The following PCDH11X variants were observed in gnomAD, a reference collection of about 807,000 sequenced individuals.
PCDH11X encodes protocadherin 11 X-linked.
In PCDH11X, 18 loss-of-function variants were observed where a neutral mutation model predicts 53.3. The observed-to-expected ratio is 0.34, with a 90% CI of 0.23 to 0.50. The LOEUF (loss-of-function observed/expected upper bound fraction) is 0.50. Among genes scored for constraint, PCDH11X ranks in the 20% least tolerant of loss-of-function variants. The probability of loss-of-function intolerance (pLI) is 0.98; values close to 1 mark genes in which losing one functional copy is unlikely to be tolerated. For synonymous variants in PCDH11X, 279 were observed against 393.3 expected, an observed-to-expected ratio of 0.71 and a Z score of 3.44; for missense variants, 570 against 1,032.4, an observed-to-expected ratio of 0.55 and a Z score of 6.14.
intron 10 of PCDH11X, among the ~76,000 whole-genome samples, chrX:92,567,012 T>C (rs1318654022): frequency 9.4e-6 from 1 of 106,362 alleles, no homozygotes; most frequent in Non-Finnish European, 1.9e-5. Context: ...TACCATGCTG[T>C]TTTGGTTACC....
chrX:92,563,887 C>T (rs1169074271), intron 10 of PCDH11X, among the ~76,000 whole-genome samples: 1 of 110,339 alleles, frequency 9.1e-6, no homozygotes. Context: ...ATGATGAAAA[C>T]GAGGAAACTA....
At chrX:91,843,024 A>G (rs1409243207) in intron 5 of PCDH11X, among the ~76,000 whole-genome samples, 1 of 108,347 alleles carries the variant, frequency 9.2e-6, no homozygotes, top group African/African-American at 3.4e-5. Flanking sequence ...CTGTTCTATT[A>G]AATTTTGTCT....
At chrX:92,116,470 C>T (rs923956609) in intron 6 of PCDH11X, among the ~76,000 whole-genome samples, 4 of 112,482 alleles carry the variant, frequency 3.6e-5, no homozygotes, top group African/African-American at 1.3e-4. Flanking sequence ...AATACATTAG[C>T]ATTAATGCAG....
chrX:92,620,380 A>T lies in PCDH11X; in HGVS notation c.*1440A>T, dbSNP rs1489613736. ...GTGCACATTTTATAAATGTACAGAA[A>T]CATCACCAACTTAATTTTCTTCCAT... On this transcript the variant is annotated 3_prime_UTR_variant, in exon 11 of 11. Transcript: ENST00000682573. 9.2e-6 allele frequency: 1 copy of T among 108,729 alleles called. No individual in the cohort carries two copies. The highest frequency in any genetic ancestry group is 3.4e-5 in the African/African-American group (1 of 29,837). 9.0% of individuals were successfully genotyped at this position (108,729 alleles called of 1,213,427 possible). A position where few individuals can be genotyped will look rare whatever the true frequency, so the allele number is the denominator to read the frequency against.
chrX:92,092,502 A>G (rs1490347240), intron 6 of PCDH11X, among the ~76,000 whole-genome samples: 3 of 111,502 alleles, frequency 2.7e-5, no homozygotes, highest in Non-Finnish European at 5.6e-5. Flanking sequence ...TTAGGGAGAC[A>G]TGAGATACCA....
chrX:92,017,348 G>A (rs1316389624), intron 6 of PCDH11X, among the ~76,000 whole-genome samples: 2 of 110,199 alleles, frequency 1.8e-5, no homozygotes, highest in South Asian at 7.8e-4. Context: ...CACCTACTAT[G>A]TACCCACAAA....
intron 8 of PCDH11X, among the ~76,000 whole-genome samples, chrX:92,292,226 A>T (rs1245275890): frequency 2.7e-5 from 3 of 112,349 alleles, no homozygotes; most frequent in Non-Finnish European, 5.6e-5. Flanking sequence ...CTGCAGAAAA[A>T]AAAATTATTT....
intron 6 of PCDH11X, among the ~76,000 whole-genome samples, chrX:92,064,197 G>A (rs6615313): frequency 0.29 from 29,841 of 103,398 alleles, 5,255 homozygotes; most frequent in African/African-American, 0.61. Context: ...ACTTGTACCA[G>A]CAGTGATGGC....
chrX:91,976,866 A>G (rs1450800444), intron 6 of PCDH11X, among the ~76,000 whole-genome samples: 5 of 112,180 alleles, frequency 4.5e-5, no homozygotes, highest in Non-Finnish European at 9.4e-5. Context: ...TTAAGATTAT[A>G]TTTATCCATA....
At chrX:92,460,246 A>G in intron 9 of PCDH11X, 1 of 869,652 alleles carries the variant, frequency 1.1e-6, no homozygotes, top group East Asian at 3.1e-5. Flanking sequence ...CACCAATGTC[A>G]CTTGACTGCA....
chrX:92,337,830 C>T (rs1285952015), intron 8 of PCDH11X, among the ~76,000 whole-genome samples: 1 of 111,413 alleles, frequency 9.0e-6, no homozygotes, highest in Non-Finnish European at 1.9e-5. Context: ...AAAATGAATA[C>T]TGTATCTATA....
chrX:91,903,656 C>CAT (rs778546206), intron 6 of PCDH11X, among the ~76,000 whole-genome samples: 8 of 93,945 alleles, frequency 8.5e-5, no homozygotes, highest in African/African-American at 2.3e-4. Flanking sequence ...CCTCTATGTG[C>CAT]GTGTGTGTGT....
intron 8 of PCDH11X, among the ~76,000 whole-genome samples, chrX:92,280,486 A>T (rs2068224795): frequency 9.2e-6 from 1 of 109,199 alleles, no homozygotes; most frequent in African/African-American, 3.3e-5. Flanking sequence ...TGTGCCACTG[A>T]ACTCCAGCCT....
intron 6 of PCDH11X, among the ~76,000 whole-genome samples, chrX:92,052,950 T>C (rs2063388091): frequency 9.0e-6 from 1 of 111,578 alleles, no homozygotes; most frequent in South Asian, 3.7e-4. Flanking sequence ...CATTACATTT[T>C]TGTTGCTGGA....
chrX:92,509,425 A>G (rs982217831), intron 10 of PCDH11X, among the ~76,000 whole-genome samples: 1 of 109,676 alleles, frequency 9.1e-6, no homozygotes, highest in African/African-American at 3.3e-5. Flanking sequence ...TTAAGGATAA[A>G]AACATCACAT....
intron 6 of PCDH11X, among the ~76,000 whole-genome samples, chrX:92,038,576 G>A (rs4022212): frequency 1.8e-5 from 2 of 111,968 alleles, no homozygotes; most frequent in Admixed American, 9.4e-5. Flanking sequence ...GCAGGGGCAG[G>A]GCTCTCAAGA....
At chrX:91,799,514 T>C (rs1935856431) in intron 1 of PCDH11X, among the ~76,000 whole-genome samples, 1 of 111,753 alleles carries the variant, frequency 8.9e-6, no homozygotes, top group African/African-American at 3.2e-5. Context: ...TTCTGGCCTT[T>C]CACTTGATTT....
intron 6 of PCDH11X, among the ~76,000 whole-genome samples, chrX:92,027,379 G>A (rs1412260746): frequency 3.6e-5 from 4 of 111,204 alleles, no homozygotes; most frequent in African/African-American, 6.5e-5. Flanking sequence ...CTATCTAGAC[G>A]TCAAATAATA....
intron 9 of PCDH11X, among the ~76,000 whole-genome samples, chrX:92,441,892 G>A (rs1446577152): frequency 1.8e-5 from 2 of 110,216 alleles, no homozygotes; most frequent in African/African-American, 3.3e-5. Flanking sequence ...ACCAGCCCAC[G>A]AAAGCAGTTG....
Sources: gnomAD v4.1 joint callset for allele counts (sites outside exome capture counted in the v4.1 genomes callset) on GRCh38, gnomAD v4.1.1 for gene constraint, MANE v1.5 for transcripts, NCBI Gene and HGNC (gene_info 2026-07-23, HGNC 2026-07-21) for gene names.